LRRC49: variants seen among roughly 807,000 people sequenced by gnomAD.
LRRC49 encodes the protein leucine rich repeat containing 49, also known as leucine-rich repeat-containing protein 49.
LRRC49 carries 50 observed loss-of-function variants against 83.3 expected under a neutral mutation model. That is an observed-to-expected ratio of 0.60 (90% CI 0.48 to 0.76). The LOEUF is 0.76. LRRC49 is among the 30% of genes least tolerant of loss of function. The pLI, the probability that LRRC49 is intolerant of heterozygous loss-of-function variation, is 0.00. For synonymous variants in LRRC49, 286 were observed against 283.3 expected (o/e 1.01, Z -0.10); for missense variants, 704 against 809.1 (o/e 0.87, Z 1.58).
intron 3 of LRRC49, chr15:70,900,284 G>A: frequency 2.8e-6 from 1 of 361,292 alleles, no homozygotes; most frequent in Non-Finnish European, 5.4e-6. Flanking sequence ...ATACTTTGTG[G>A]ACCCTAACTA....
intron 15 of LRRC49, among the ~76,000 whole-genome samples, chr15:71,040,856 T>C (rs939589751): frequency 1.4e-5 from 2 of 147,794 alleles, no homozygotes; most frequent in Non-Finnish European, 3.0e-5. Flanking sequence ...AAGCTTTCCC[T>C]GAAAGATTTT....
intron 11 of LRRC49, among the ~76,000 whole-genome samples, chr15:70,989,546 C>T (rs1477822144): frequency 3.3e-5 from 5 of 151,936 alleles, no homozygotes; most frequent in Non-Finnish European, 5.9e-5. Context: ...AAATTTTTTT[C>T]AGTTTTCAAC....
chr15:70,872,555 G>C (rs1014510834), intron 1 of LRRC49, among the ~76,000 whole-genome samples: 3 of 152,116 alleles, frequency 2.0e-5, no homozygotes, highest in Non-Finnish European at 2.9e-5. Context: ...CTTTCCAAAG[G>C]GTCCGGTTCT....
chr15:70,891,900 G>A (rs1335595572), upstream of LRRC49: 1 of 1,613,114 alleles, frequency 6.2e-7, no homozygotes, highest in Non-Finnish European at 8.5e-7. Flanking sequence ...ACTGGACCTG[G>A]GGCAGCCTCA....
intron 15 of LRRC49, among the ~76,000 whole-genome samples, chr15:71,044,965 C>T (rs990578412): frequency 4.3e-5 from 6 of 139,750 alleles, no homozygotes; most frequent in African/African-American, 1.3e-4. Context: ...GATCTTGGCT[C>T]ACTGCAAGCT....
chr15:70,950,106 C>T (rs1391773427), intron 8 of LRRC49, among the ~76,000 whole-genome samples: 5 of 152,098 alleles, frequency 3.3e-5, no homozygotes, highest in African/African-American at 7.2e-5. Context: ...GGATAATGTC[C>T]TCCATCTGTA....
chr15:70,871,207 C>T (rs1383282059), intron 1 of LRRC49, among the ~76,000 whole-genome samples: 1 of 151,850 alleles, frequency 6.6e-6, no homozygotes, highest in Non-Finnish European at 1.5e-5. Context: ...CATCTTGCAC[C>T]GCCCTTAATC....
Position 70,859,487 on chromosome 15 carries a change from A to G in LRRC49, c.-299+6018A>G, listed in dbSNP as rs2032732391. The G allele has an allele frequency of 4.3e-6, 3 of 694,398 alleles. No homozygotes were observed. In the Admixed American group the frequency reaches 5.3e-5, roughly 12 times the overall value. The allele number at this position is 694,398 out of a possible 1,614,324, so 43.0% of individuals were successfully genotyped here. A position where few individuals can be genotyped will look rare whatever the true frequency, so the allele number is the denominator to read the frequency against. On this transcript the variant is annotated intron_variant, in intron 1 of 16. Transcript: ENST00000544974. ...CAGCTACTTCCTGGACACGGTCAGCATCATTGCTGAGGTCAAGGTGCAGTA... is the reference window on the plus strand; with the variant it reads ...CAGCTACTTCCTGGACACGGTCAGCGTCATTGCTGAGGTCAAGGTGCAGTA...
At chr15:70,910,738 A>T (rs2034516719) in intron 5 of LRRC49, among the ~76,000 whole-genome samples, 1 of 152,184 alleles carries the variant, frequency 6.6e-6, no homozygotes. Context: ...ATGTTCGTTC[A>T]TTCATTAAAC....
chr15:71,049,494 C>T lies in LRRC49; in HGVS notation c.1943C>T (p.Ala648Val), dbSNP rs1230576566. The T allele has an allele frequency of 1.2e-6, 2 of 1,613,540 alleles. No homozygotes were observed. The change falls in exon 16 of 16, where the codon GCT becomes GTT. Residue 648 changes from alanine to valine, a missense_variant. By Grantham distance (64) the Ala-to-Val change is moderately conservative. Around this residue, in one of 3 missense-constraint regions of LRRC49, gnomAD observed 275 missense variants for 338.0 expected, o/e 0.81. Coordinates refer to ENST00000260382, the MANE Select transcript of LRRC49 (RefSeq NM_017691.5). ...ACAGAAATCAACATGAAAAATGAGG[C>T]TTTGCAGAAGCTTTGGCCACAGATG... ...EATEINMKNEALQKLWPQMFI... is the reference protein window; with the variant it reads ...EATEINMKNEVLQKLWPQMFI...
At chr15:70,949,807 TTTTA>T (rs1467226972) in intron 8 of LRRC49, among the ~76,000 whole-genome samples, 1 of 152,142 alleles carries the variant, frequency 6.6e-6, no homozygotes, top group Admixed American at 6.6e-5. Context: ...TATATTTTGT[TTTTA>T]TTTATTTTTA....
At chr15:70,986,542 A>G (rs1466686087) in intron 11 of LRRC49, among the ~76,000 whole-genome samples, 1 of 152,196 alleles carries the variant, frequency 6.6e-6, no homozygotes, top group African/African-American at 2.4e-5. Flanking sequence ...GGGCTGAGAC[A>G]TTGGGGTTTT....
chr15:71,022,366 C>T (rs578251874), intron 14 of LRRC49, among the ~76,000 whole-genome samples: 23 of 152,128 alleles, frequency 1.5e-4, no homozygotes, highest in African/African-American at 5.5e-4. Context: ...GAGCGAGACC[C>T]TGTCTCCAAA....
At chr15:70,925,003 A>G (rs1249702507) in intron 7 of LRRC49, among the ~76,000 whole-genome samples, 1 of 151,836 alleles carries the variant, frequency 6.6e-6, no homozygotes, top group African/African-American at 2.4e-5. Context: ...AGTCCTTCAG[A>G]TTTACTATGA....
intron 14 of LRRC49, among the ~76,000 whole-genome samples, chr15:71,016,345 A>G (rs911454686): frequency 2.6e-5 from 4 of 152,142 alleles, no homozygotes; most frequent in Non-Finnish European, 5.9e-5. Flanking sequence ...CTATATGTCA[A>G]AACCTCTGGG....
intron 6 of LRRC49, among the ~76,000 whole-genome samples, chr15:70,916,627 A>G (rs1286272962): frequency 6.6e-6 from 1 of 152,202 alleles, no homozygotes. Flanking sequence ...GCAGCAGGCC[A>G]TCTGGAGTGG....
chr15:71,044,863 T>A (rs781750871), intron 15 of LRRC49, among the ~76,000 whole-genome samples: 1 of 150,552 alleles, frequency 6.6e-6, no homozygotes, highest in Non-Finnish European at 1.5e-5. Flanking sequence ...AACATACTAA[T>A]GTTCTCAGAA....
In LRRC49 at chr15:70,928,958, T is replaced by A. The variant is rs566118420; in HGVS notation, c.712-7803T>A. The stretch of plus-strand genomic sequence containing the variant: ...CTCTTTCTACTTCTTAAACACCTGC[T>A]AGATATAGTATGGACCTTTTCATTC... On this transcript the variant is annotated intron_variant, in intron 7 of 15. Coordinates refer to ENST00000260382, the MANE Select transcript of LRRC49 (RefSeq NM_017691.5). Among the ~76,000 whole-genome samples the A allele has an allele frequency of 4.7e-4, 71 of 152,348 alleles. 3 individuals are homozygous for A. In the South Asian group the frequency reaches 0.014, roughly 31 times the overall value.
chr15:70,906,107 T>C (rs1044205327), intron 5 of LRRC49, among the ~76,000 whole-genome samples: 4 of 149,074 alleles, frequency 2.7e-5, no homozygotes, highest in Non-Finnish European at 4.5e-5. Flanking sequence ...TCTTTTTTTT[T>C]TTTTTTTTGA....
Sources: allele counts gnomAD v4.1 joint callset (sites outside exome capture counted in the v4.1 genomes callset), GRCh38; gene constraint gnomAD v4.1.1; regional missense constraint gnomAD v4.1.1; transcripts MANE v1.5; gene names NCBI Gene and HGNC (gene_info 2026-07-23, HGNC 2026-07-21).